PLBD1: variants seen among roughly 807,000 people sequenced by gnomAD.
The protein encoded by PLBD1 is phospholipase B domain containing 1.
Under a neutral mutation model 63.0 loss-of-function variants are expected in PLBD1, and 60 were observed. The observed-to-expected ratio is 0.95, with a 90% confidence interval of 0.77 to 1.18. PLBD1 has a LOEUF of 1.18. PLBD1 is among the 50% of genes most tolerant of loss of function. The pLI is 0.00. For missense variants in PLBD1, 598 were observed against 677.9 expected (o/e 0.88, Z 1.31); for synonymous variants, 262 against 248.0 (o/e 1.06, Z -0.53).
chr12:14,521,821 T>C (rs1945379031), intron 6 of PLBD1, among the ~76,000 whole-genome samples: 1 of 152,110 alleles, frequency 6.6e-6, no homozygotes, highest in African/African-American at 2.4e-5. Context: ...GGCAATTTAC[T>C]AATTGCATAA....
chr12:14,543,874 G>A (rs944673920), intron 2 of PLBD1, among the ~76,000 whole-genome samples: 7 of 151,788 alleles, frequency 4.6e-5, no homozygotes, highest in South Asian at 2.1e-4. Context: ...TTTAATAGAC[G>A]TCTTTGGGTG....
intron 6 of PLBD1, among the ~76,000 whole-genome samples, chr12:14,514,724 C>T (rs1278912732): frequency 6.6e-6 from 1 of 151,356 alleles, no homozygotes; most frequent in Non-Finnish European, 1.5e-5. Flanking sequence ...TGACTACATA[C>T]AATTATAATC....
chr12:14,538,423 A>T (rs774954146), intron 4 of PLBD1, among the ~76,000 whole-genome samples: 3 of 152,044 alleles, frequency 2.0e-5, no homozygotes, highest in Non-Finnish European at 4.4e-5. Flanking sequence ...AGAACTCCTG[A>T]CCTCAGGTGA....
intron 2 of PLBD1, among the ~76,000 whole-genome samples, chr12:14,549,633 C>T (rs1046817613): frequency 2.6e-5 from 4 of 152,086 alleles, no homozygotes; most frequent in Non-Finnish European, 5.9e-5. Flanking sequence ...CACCGTCCTT[C>T]GATTGTTCAA....
chr12:14,525,229 T>C (rs1945407459), intron 6 of PLBD1, among the ~76,000 whole-genome samples: 2 of 151,934 alleles, frequency 1.3e-5, no homozygotes, highest in African/African-American at 4.8e-5. Context: ...ATCACTGAAC[T>C]CCATCCTGGG....
At chr12:14,546,602 C>A (rs1403821914) in intron 2 of PLBD1, among the ~76,000 whole-genome samples, 1 of 152,158 alleles carries the variant, frequency 6.6e-6, no homozygotes, top group African/African-American at 2.4e-5. Context: ...GGTTGTCACA[C>A]TGAGTGAGGG....
At chr12:14,528,633 A>G (rs1052167719) in intron 6 of PLBD1, among the ~76,000 whole-genome samples, 6 of 152,164 alleles carry the variant, frequency 3.9e-5, no homozygotes, top group Non-Finnish European at 8.8e-5. Flanking sequence ...TATGATAGAA[A>G]GATCAAAATC....
At position 14,506,990 on chromosome 12, in the gene PLBD1, G is replaced by A. The variant is rs764702700; in HGVS notation, c.1315C>T (p.Arg439Cys). ...GTATCAGTCACTTTCCCTTGGTCAC[G>A]CCGGAAAATTTTGGCTCGTGGAGCT... The part of the protein sequence containing the change: ...DLAPRAKIFR[R>C]DQGKVTDTAS... Residue 439 changes from arginine (R) to cysteine (C), a missense_variant, in exon 9 of 11, where the codon CGT (arginine) becomes TGT (cysteine). Arg to Cys is a radical substitution (Grantham distance 180). Coordinates refer to ENST00000240617, the MANE Select transcript of PLBD1 (RefSeq NM_024829.6). 14 of 1,613,846 alleles carry A rather than the reference G, an allele frequency of 8.7e-6. No individual in the cohort carries two copies. The highest frequency in any genetic ancestry group is 1.6e-4 in the Middle Eastern group (1 of 6,084).
At chr12:14,531,404 C>G (rs1945460702) in intron 6 of PLBD1, among the ~76,000 whole-genome samples, 1 of 152,184 alleles carries the variant, frequency 6.6e-6, no homozygotes, top group African/African-American at 2.4e-5. Flanking sequence ...TTTGCGACAT[C>G]TACCACTCTA....
At chr12:14,525,715 G>A (rs7966108) in intron 6 of PLBD1, among the ~76,000 whole-genome samples, 721 of 22,518 alleles carry the variant, frequency 0.032, 5 homozygotes, top group African/African-American at 0.038. Flanking sequence ...ACACACACAC[G>A]CACACACACA....
intron 10 of PLBD1, among the ~76,000 whole-genome samples, chr12:14,505,602 C>T (rs1458219138): frequency 6.6e-6 from 1 of 152,176 alleles, no homozygotes; most frequent in Non-Finnish European, 1.5e-5. Flanking sequence ...TTTAGCACAC[C>T]ACTGCAAACC....
At chr12:14,510,684 T>A (rs558135054) in intron 8 of PLBD1, among the ~76,000 whole-genome samples, 1 of 152,328 alleles carries the variant, frequency 6.6e-6, no homozygotes, top group South Asian at 2.1e-4. Flanking sequence ...GAGATTTGAA[T>A]CAAGGCAGTG....
intron 10 of PLBD1, among the ~76,000 whole-genome samples, chr12:14,504,782 A>C (rs1351563196): frequency 6.6e-6 from 1 of 152,228 alleles, no homozygotes; most frequent in Non-Finnish European, 1.5e-5. Context: ...GTGGGTCTTA[A>C]TCTTAGAGGG....
chr12:14,567,605 G>T lies in PLBD1; in HGVS notation c.92C>A (p.Thr31Asn). 6.7e-7 allele frequency: 1 copy of T among 1,497,950 alleles called. No individual in the cohort carries two copies. The highest frequency in any genetic ancestry group is 8.8e-7 in the Non-Finnish European group (1 of 1,132,390). The allele number at this position is 1,497,950 out of a possible 1,614,324, so 92.8% of individuals were successfully genotyped here. A position where few individuals can be genotyped will look rare whatever the true frequency, so the allele number is the denominator to read the frequency against. Residue 31 changes from threonine to asparagine, a missense_variant, in exon 1 of 11, where the codon ACC becomes AAC. Transcript: ENST00000240617. ...ACCTGCAGGTTTCGGCGGCTCCGCG[G>T]TGACTAACAACAGCGGCAGCAGCAG... Reference protein sequence around the residue: ...LLLLLPLLLVTAEPPKPAGVY... With the variant: ...LLLLLPLLLVNAEPPKPAGVY...
Position 14,567,620 on chromosome 12 carries a change from GGCAGCAGCAGCA to G in PLBD1, c.65_76del (p.Leu22_Leu25del). ...CGGCTCCGCGGTGACTAACAACAGC[GGCAGCAGCAGCA>G]GCAGCAGCAGAAGCGGTGGCGGCTG... On this transcript the variant is annotated inframe_deletion, in exon 1 of 11. Coordinates refer to ENST00000240617, the MANE Select transcript of PLBD1 (RefSeq NM_024829.6). 3.4e-6 allele frequency: 5 copies of G among 1,478,718 alleles called. No individual in the cohort carries two copies. The highest frequency in any genetic ancestry group is 2.1e-4 in the Middle Eastern group (1 of 4,724). The allele number at this position is 1,478,718 out of a possible 1,614,324, so 91.6% of individuals were successfully genotyped here. A position where few individuals can be genotyped will look rare whatever the true frequency, so the allele number is the denominator to read the frequency against.
rs749361650 is a variant in PLBD1 at position 14,507,045 on chromosome 12, C to T, written c.1260G>A (p.Gln420=). 4 of 1,613,788 alleles carry T rather than the reference C, an allele frequency of 2.5e-6. No homozygotes were observed. Among genetic ancestry groups the T allele is most frequent in the Non-Finnish European group, 3.4e-6 (4 of 1,179,856 alleles). ...CATAAGAGTAGTCCAAGCCCAGCTT[C>T]TGAACTAACAGTGGATAGCCACTCC... is the stretch of plus-strand genomic sequence containing the variant. ...YNWSGYPLLV[Q]KLGLDYSYDL... The change falls in exon 9 of 11, where the codon CAG becomes CAA. Residue 420 remains glutamine (Q), a synonymous_variant. Transcript: ENST00000240617.
chr12:14,532,588 G>C (rs1325167302), intron 6 of PLBD1, among the ~76,000 whole-genome samples: 1 of 152,156 alleles, frequency 6.6e-6, no homozygotes, highest in Non-Finnish European at 1.5e-5. Flanking sequence ...CCAACTAGAG[G>C]AATCTGCTTA....
At position 14,533,410 on chromosome 12, in the gene PLBD1, A is replaced by G. The variant is rs953035460; in HGVS notation, c.844+2249T>C. 4.6e-5 allele frequency among the ~76,000 whole-genome samples: 7 copies of G among 152,232 alleles called. No homozygotes were observed. The East Asian group carries it at 1.2e-3, about 25-fold the overall frequency. ...ATTCAATTGCTCCAAAAAGCTCTAC[A>G]TATTATCTATGAAATCTACTTGTGT... On this transcript the variant is annotated intron_variant, in intron 6 of 10. Coordinates refer to ENST00000240617, the MANE Select transcript of PLBD1 (RefSeq NM_024829.6).
intron 8 of PLBD1, among the ~76,000 whole-genome samples, chr12:14,510,381 G>A (rs1042844355): frequency 3.3e-5 from 5 of 152,204 alleles, no homozygotes; most frequent in South Asian, 2.1e-4. Flanking sequence ...GTGACAGAGC[G>A]ACACTCCATC....
Sources: gnomAD v4.1 joint callset for allele counts (sites outside exome capture counted in the v4.1 genomes callset) on GRCh38, gnomAD v4.1.1 for gene constraint, MANE v1.5 for transcripts, NCBI Gene and HGNC (gene_info 2026-07-23, HGNC 2026-07-21) for gene names.